Variants in PERP observed in about 807,000 individuals in gnomAD.
PERP encodes p53 apoptosis effector related to PMP22, also known as p53 apoptosis effector related to PMP-22.
A neutral mutation model predicts 20.3 loss-of-function variants in PERP; 11 were observed. The ratio of observed to expected loss-of-function variants is 0.54; its 90% CI spans 0.34 to 0.90. PERP has a LOEUF of 0.90. Among genes scored for constraint, PERP ranks in the 40% least tolerant of loss-of-function variants. The pLI, the probability that PERP is intolerant of heterozygous loss-of-function variation, is 0.02. For synonymous variants in PERP, 101 were observed against 102.0 expected, an observed-to-expected ratio of 0.99 and a Z score of 0.06; for missense variants, 224 against 249.4, an observed-to-expected ratio of 0.90 and a Z score of 0.69.
chr6:138,104,206 A>G (rs555401305), intron 1 of PERP, among the ~76,000 whole-genome samples: 40 of 152,360 alleles, frequency 2.6e-4, no homozygotes, highest in South Asian at 1.0e-3. Context: ...ATGCATTTAA[A>G]TTTCACATTT....
In PERP at chr6:138,092,254, T is replaced by C. The variant is rs367594945; in HGVS notation, c.370A>G (p.Ile124Val). 2.5e-5 allele frequency: 41 copies of C among 1,613,668 alleles called. 1 individual carries two copies. The Middle Eastern group carries it at 4.9e-4, about 19-fold the overall frequency. Reference sequence around the variant, plus strand: ...TTCACGGGGTAAATTACCAGGGAGATGATCTGGAACACAGCTAAAGGGAAG... The same window carrying C: ...TTCACGGGGTAAATTACCAGGGAGACGATCTGGAACACAGCTAAAGGGAAG... Reference protein sequence around the residue: ...LLALAAVFQIISLVIYPVKYT... With the variant: ...LLALAAVFQIVSLVIYPVKYT... The change falls in exon 3 of 3, where the codon ATC becomes GTC. Residue 124 changes from isoleucine to valine, a missense_variant. Physicochemically the swap from Ile to Val is conservative, Grantham distance 29. Transcript: ENST00000421351.
At chr6:138,105,673 G>A (rs1244933236) in intron 1 of PERP, among the ~76,000 whole-genome samples, 1 of 152,138 alleles carries the variant, frequency 6.6e-6, no homozygotes, top group Non-Finnish European at 1.5e-5. Flanking sequence ...ATATACTTTG[G>A]GTCTGCATTA....
At chr6:138,101,543 T>C (rs1464094241) in intron 1 of PERP, among the ~76,000 whole-genome samples, 3 of 152,196 alleles carry the variant, frequency 2.0e-5, no homozygotes, top group Admixed American at 6.5e-5. Flanking sequence ...TGCTGCATTC[T>C]TTGGTAGTTT....
At chr6:138,096,261 G>C (rs915820471) in intron 2 of PERP, 93 bp downstream of exon 2, 3 of 1,450,304 alleles carry the variant, frequency 2.1e-6, no homozygotes, top group Admixed American at 2.1e-5. Flanking sequence ...ATTAGAAACT[G>C]TAACAGTCAC....
chr6:138,092,245 C>A lies in PERP; in HGVS notation c.379G>T (p.Val127Leu). 1 of 1,613,788 alleles carries A rather than the reference C, an allele frequency of 6.2e-7. No individual in the cohort carries two copies. The highest frequency in any genetic ancestry group is 2.2e-5 in the East Asian group (1 of 44,886). The change falls in exon 3 of 3, where the codon GTA becomes TTA. Residue 127 changes from valine to leucine, a missense_variant. Transcript: ENST00000421351. ...TGGGTGTACTTCACGGGGTAAATTA[C>A]CAGGGAGATGATCTGGAACACAGCT... The part of the protein sequence containing the change: ...LAAVFQIISL[V>L]IYPVKYTQTF...
intron 1 of PERP, among the ~76,000 whole-genome samples, chr6:138,100,530 TA>T (rs1775754146): frequency 6.7e-6 from 1 of 150,274 alleles, no homozygotes; most frequent in Admixed American, 6.7e-5. Flanking sequence ...ATTACTATTT[TA>T]TATACCAGAT....
chr6:138,102,282 A>G (rs189432626), intron 1 of PERP, among the ~76,000 whole-genome samples: 3 of 152,348 alleles, frequency 2.0e-5, no homozygotes, highest in Admixed American at 6.5e-5. Context: ...GGACAGGGTG[A>G]AAACAGGAAA....
intron 1 of PERP, among the ~76,000 whole-genome samples, chr6:138,104,799 G>A (rs1775820211): frequency 6.6e-6 from 1 of 152,168 alleles, no homozygotes; most frequent in African/African-American, 2.4e-5. Flanking sequence ...GCATACGTGG[G>A]AGTGTGTGTA....
chr6:138,106,838 T>G (rs919517872), intron 1 of PERP, among the ~76,000 whole-genome samples: 2 of 152,004 alleles, frequency 1.3e-5, no homozygotes. Flanking sequence ...TTGCAATGCT[T>G]GAAATAATCT....
chr6:138,104,316 A>G (rs1165485704), intron 1 of PERP, among the ~76,000 whole-genome samples: 1 of 152,258 alleles, frequency 6.6e-6, no homozygotes, highest in Non-Finnish European at 1.5e-5. Flanking sequence ...AATTCAAATA[A>G]GAATGTTTTT....
chr6:138,100,389 G>A (rs1229967349), intron 1 of PERP, among the ~76,000 whole-genome samples: 5 of 151,944 alleles, frequency 3.3e-5, no homozygotes, highest in Non-Finnish European at 7.4e-5. Context: ...CCTATTTCCC[G>A]ACCCCACTGG....
In PERP at chr6:138,101,138, C is replaced by T. The variant is rs557916324; in HGVS notation, c.215-4644G>A. On this transcript the variant is annotated intron_variant, in intron 1 of 2. Coordinates refer to ENST00000421351, the MANE Select transcript of PERP (RefSeq NM_022121.5). ...CTGTAAGCCCAGCACTTTAGGAGGCCGAGAAAGGTCACGTGAGGTCGGGAG... is the reference window on the plus strand; with the variant it reads ...CTGTAAGCCCAGCACTTTAGGAGGCTGAGAAAGGTCACGTGAGGTCGGGAG... 1.3e-4 allele frequency among the ~76,000 whole-genome samples: 20 copies of T among 152,198 alleles called. 1 individual carries two copies. The South Asian group carries it at 4.1e-3, about 32-fold the overall frequency.
intron 1 of PERP, among the ~76,000 whole-genome samples, chr6:138,100,228 C>T (rs1169469077): frequency 2.0e-5 from 3 of 152,154 alleles, no homozygotes; most frequent in South Asian, 4.1e-4. Context: ...TGGGTATTCT[C>T]GATGACCTAC....
Position 138,107,386 on chromosome 6 carries a change from G to T in PERP, c.-46C>A. ...CGAGCGGAGCGGAGCGGAGCGGGTCGGAGGAGCGCGCGGGACGGGCGACAG... is the reference window on the plus strand; with the variant it reads ...CGAGCGGAGCGGAGCGGAGCGGGTCTGAGGAGCGCGCGGGACGGGCGACAG... On this transcript the variant is annotated 5_prime_UTR_variant, in exon 1 of 3. Transcript: ENST00000421351. The surrounding 1 kb of genome is among the most constrained non-coding windows in gnomAD (Gnocchi z 4.8). The T allele has an allele frequency of 2.8e-6, 4 of 1,421,198 alleles. No homozygotes were observed. Among genetic ancestry groups the T allele is most frequent in the Non-Finnish European group, 3.7e-6 (4 of 1,086,970 alleles). The allele number at this position is 1,421,198 out of a possible 1,614,324, so 88.0% of individuals were successfully genotyped here. A position where few individuals can be genotyped will look rare whatever the true frequency, so the allele number is the denominator to read the frequency against.
chr6:138,103,316 AT>A (rs1056486295), intron 1 of PERP, among the ~76,000 whole-genome samples: 1 of 151,522 alleles, frequency 6.6e-6, no homozygotes, highest in African/African-American at 2.4e-5. Context: ...TGCCGGGCTA[AT>A]TTTTTTGTAT....
At chr6:138,097,312 T>G (rs1320729734) in intron 1 of PERP, among the ~76,000 whole-genome samples, 1 of 152,168 alleles carries the variant, frequency 6.6e-6, no homozygotes, top group African/African-American at 2.4e-5. Context: ...TCCACACGAA[T>G]GATTCCAGTC....
In PERP at chr6:138,092,192, A is replaced by G. The variant is rs1297601279; in HGVS notation, c.432T>C (p.Ala144=). The stretch of plus-strand genomic sequence containing the variant: ...AGGCCCAGTTATAGATGTAAGTGAC[A>G]GCAGGGTTGGCATGAAGGGTGAAGG... ...TQTFTLHANP[A]VTYIYNWAYG... Residue 144 remains alanine (A), a synonymous_variant, in exon 3 of 3, where the codon GCT becomes GCC. Coordinates refer to ENST00000421351, the MANE Select transcript of PERP (RefSeq NM_022121.5). 1.2e-6 allele frequency: 2 copies of G among 1,614,178 alleles called. No individual in the cohort carries two copies. The highest frequency in any genetic ancestry group is 1.7e-6 in the Non-Finnish European group (2 of 1,179,994).
chr6:138,093,303 T>C (rs556771134), intron 2 of PERP, among the ~76,000 whole-genome samples: 3 of 152,140 alleles, frequency 2.0e-5, no homozygotes, highest in Non-Finnish European at 4.4e-5. Flanking sequence ...TCTGTAGTCC[T>C]CACCACCATT....
intron 1 of PERP, 49 bp from the exon 2 acceptor site, chr6:138,096,543 T>C (rs376222233): frequency 2.4e-5 from 37 of 1,557,324 alleles, no homozygotes; most frequent in Non-Finnish European, 2.9e-5. Context: ...ATACCAAGTT[T>C]AAAAATTACT....
Sources: gnomAD v4.1 joint callset for allele counts (sites outside exome capture counted in the v4.1 genomes callset) on GRCh38, gnomAD v4.1.1 for gene constraint, Gnocchi (gnomAD v3.1) non-coding constraint, MANE v1.5 for transcripts, NCBI Gene and HGNC (gene_info 2026-07-23, HGNC 2026-07-21) for gene names.